Variants in MBD2 observed in about 807,000 individuals in gnomAD.
MBD2 encodes methyl-CpG binding domain protein 2, also known as methyl-CpG-binding domain protein 2.
Under a neutral mutation model 39.3 loss-of-function variants are expected in MBD2, and 9 were observed. The observed-to-expected ratio is 0.23, with a 90% CI of 0.14 to 0.40. The LOEUF (loss-of-function observed/expected upper bound fraction) is 0.40. MBD2 is among the 10% of genes least tolerant of loss of function. The pLI is 1.00. For synonymous variants in MBD2, 233 were observed against 211.1 expected (o/e 1.10, Z -0.90); for missense variants, 458 against 532.6 (o/e 0.86, Z 1.38).
At chr18:54,160,400 G>A (rs1256430791) in intron 5 of MBD2, among the ~76,000 whole-genome samples, 3 of 152,044 alleles carry the variant, frequency 2.0e-5, no homozygotes, top group Admixed American at 6.6e-5. Context: ...TGGATTCTGA[G>A]GTCTGCAGGC....
chr18:54,214,188 CTT>C (rs1300325688), intron 1 of MBD2, among the ~76,000 whole-genome samples: 1 of 150,538 alleles, frequency 6.6e-6, no homozygotes, highest in Non-Finnish European at 1.5e-5. Flanking sequence ...TTGTTTCTTT[CTT>C]TCTTTGTTTT....
At chr18:54,191,444 A>C (rs583268) in intron 2 of MBD2, among the ~76,000 whole-genome samples, 1 of 152,194 alleles carries the variant, frequency 6.6e-6, no homozygotes, top group African/African-American at 2.4e-5. Flanking sequence ...TAGAGTCTTC[A>C]TATAAAATCC....
At chr18:54,218,121 A>T (rs962515321) in intron 1 of MBD2, among the ~76,000 whole-genome samples, 5 of 152,230 alleles carry the variant, frequency 3.3e-5, no homozygotes, top group African/African-American at 7.2e-5. Context: ...AGAGATTTTT[A>T]AAAAATTGAT....
intron 4 of MBD2, 39 bp downstream of exon 4, chr18:54,166,037 T>C (rs2086129277): frequency 3.7e-6 from 5 of 1,346,106 alleles, no homozygotes; most frequent in Admixed American, 3.4e-5. Flanking sequence ...ATGCAGTAGG[T>C]ACTTGATAAA....
chr18:54,177,317 T>C (rs528881398), intron 3 of MBD2, among the ~76,000 whole-genome samples: 2 of 152,324 alleles, frequency 1.3e-5, no homozygotes, highest in African/African-American at 4.8e-5. Context: ...TAGCACCTGT[T>C]AATCAGCAAT....
intron 1 of MBD2, among the ~76,000 whole-genome samples, chr18:54,213,347 C>G (rs1206296657): frequency 6.6e-6 from 1 of 152,086 alleles, no homozygotes. Context: ...AGGTTGCATG[C>G]TCCTTATGAG....
chr18:54,171,415 G>A (rs559688224), intron 3 of MBD2, among the ~76,000 whole-genome samples: 3 of 147,624 alleles, frequency 2.0e-5, no homozygotes, highest in African/African-American at 7.5e-5. Flanking sequence ...AAGCATGCAC[G>A]TAGTGGGGGT....
At chr18:54,173,489 G>A (rs2086191946) in intron 3 of MBD2, among the ~76,000 whole-genome samples, 1 of 152,188 alleles carries the variant, frequency 6.6e-6, no homozygotes, top group Admixed American at 6.5e-5. Flanking sequence ...GGAGAGAAGA[G>A]TAGAGAAAGG....
intron 2 of MBD2, among the ~76,000 whole-genome samples, chr18:54,190,121 A>C (rs535846439): frequency 6.6e-6 from 1 of 152,334 alleles, no homozygotes; most frequent in African/African-American, 2.4e-5. Context: ...AATATGTACA[A>C]ATGGTAGTTC....
In MBD2 at chr18:54,224,406, C is replaced by G; in HGVS notation, c.154G>C (p.Glu52Gln). 1 of 1,249,058 alleles carries G rather than the reference C, an allele frequency of 8.0e-7. No individual in the cohort carries two copies. The highest frequency in any genetic ancestry group is 1.0e-6 in the Non-Finnish European group (1 of 998,012). The allele number at this position is 1,249,058 out of a possible 1,614,324, so 77.4% of individuals were successfully genotyped here. A position where few individuals can be genotyped will look rare whatever the true frequency, so the allele number is the denominator to read the frequency against. The stretch of plus-strand genomic sequence containing the variant: ...CCACGGCCGCCGCCCCGAGCGCCTT[C>G]CCTGCGCACGCCGCTCACCGGGGAC... Reference protein sequence around the residue: ...APSPVSGVRREGARGGGRGRG... With the variant: ...APSPVSGVRRQGARGGGRGRG... Residue 52 changes from glutamate (E) to glutamine (Q), a missense_variant, in exon 1 of 7, where the codon GAA becomes CAA. Physicochemically the swap from Glu to Gln is conservative, Grantham distance 29. Transcript: ENST00000256429.
At chr18:54,208,385 G>A (rs1457206789) in intron 1 of MBD2, among the ~76,000 whole-genome samples, 5 of 151,690 alleles carry the variant, frequency 3.3e-5, no homozygotes, top group East Asian at 1.9e-4. Flanking sequence ...CCAGCTACTC[G>A]GGAGGCTGAG....
chr18:54,167,612 C>T (rs928756193), intron 3 of MBD2, among the ~76,000 whole-genome samples: 1 of 152,166 alleles, frequency 6.6e-6, no homozygotes, highest in African/African-American at 2.4e-5. Context: ...GTCCTCCAGA[C>T]AAATGAGAAG....
At chr18:54,194,923 C>A (rs930238333) in intron 2 of MBD2, among the ~76,000 whole-genome samples, 10 of 152,046 alleles carry the variant, frequency 6.6e-5, no homozygotes, top group African/African-American at 2.4e-4. Context: ...GTTCTCAATC[C>A]AGTATCTCAT....
intron 1 of MBD2, among the ~76,000 whole-genome samples, chr18:54,210,866 A>ATT (rs74180457): frequency 3.2e-3 from 314 of 99,302 alleles, no homozygotes; most frequent in Non-Finnish European, 4.5e-3. Flanking sequence ...TCAACTTTCT[A>ATT]TTTTTTTTTT....
intron 3 of MBD2, among the ~76,000 whole-genome samples, chr18:54,184,074 GAAAT>G (rs1265351231): frequency 6.6e-6 from 1 of 151,756 alleles, no homozygotes; most frequent in African/African-American, 2.4e-5. Context: ...TATACATATT[GAAAT>G]AAATATAAAT....
chr18:54,195,383 C>G (rs576524818), intron 2 of MBD2, among the ~76,000 whole-genome samples: 79 of 152,036 alleles, frequency 5.2e-4, no homozygotes, highest in African/African-American at 1.9e-3. Flanking sequence ...AAAAATGTTG[C>G]TCTACCTACC....
intron 1 of MBD2, among the ~76,000 whole-genome samples, chr18:54,220,232 T>C (rs1455042424): frequency 1.3e-5 from 2 of 152,178 alleles, no homozygotes; most frequent in African/African-American, 2.4e-5. Flanking sequence ...GTAGACAAGT[T>C]AGAAAGTTAT....
intron 1 of MBD2, among the ~76,000 whole-genome samples, chr18:54,218,539 G>T (rs1482361724): frequency 6.6e-6 from 1 of 152,186 alleles, no homozygotes; most frequent in Admixed American, 6.5e-5. Context: ...GAGTTCTGAG[G>T]TTAAACCACC....
chr18:54,223,934 A>T, intron 1 of MBD2, 84 bp downstream of exon 1: 1 of 1,192,890 alleles, frequency 8.4e-7, no homozygotes, highest in Non-Finnish European at 1.2e-6. Context: ...CCCGGGCCCC[A>T]GCGCTCATCC....
Sources: gnomAD v4.1 joint callset for allele counts (sites outside exome capture counted in the v4.1 genomes callset) on GRCh38, gnomAD v4.1.1 for gene constraint, MANE v1.5 for transcripts, NCBI Gene and HGNC (gene_info 2026-07-23, HGNC 2026-07-21) for gene names.